The following LAMC1 variants were observed in gnomAD, a reference collection of about 807,000 sequenced individuals.
The protein encoded by LAMC1 is laminin subunit gamma-1.
In LAMC1, 38 loss-of-function variants were observed where a neutral mutation model predicts 173.6. The observed-to-expected ratio is 0.22, with a 90% CI of 0.17 to 0.29. LAMC1 has a LOEUF of 0.29. Among genes scored for constraint, LAMC1 ranks in the 10% least tolerant of loss-of-function variants. The pLI, the probability that LAMC1 is intolerant of heterozygous loss-of-function variation, is 1.00. For missense variants in LAMC1, 1,824 were observed against 2,051.8 expected, an observed-to-expected ratio of 0.89 and a Z score of 2.14; for synonymous variants, 746 against 749.1, an observed-to-expected ratio of 1.00 and a Z score of 0.07.
intron 1 of LAMC1, among the ~76,000 whole-genome samples, chr1:183,064,697 CA>C (rs1260526798): frequency 6.6e-6 from 1 of 152,002 alleles, no homozygotes; most frequent in Non-Finnish European, 1.5e-5. Context: ...ACCAAAAAAC[CA>C]AAACAAAATA....
chr1:183,065,338 G>A (rs1271556063), intron 1 of LAMC1, among the ~76,000 whole-genome samples: 1 of 152,154 alleles, frequency 6.6e-6, no homozygotes, highest in African/African-American at 2.4e-5. Context: ...GTGATTGTAG[G>A]GGCTGGCAAG....
chr1:183,059,963 G>A (rs1159666678), intron 1 of LAMC1, among the ~76,000 whole-genome samples: 3 of 152,172 alleles, frequency 2.0e-5, no homozygotes, highest in Non-Finnish European at 4.4e-5. Flanking sequence ...GACATCACAT[G>A]TTCCATGATG....
chr1:183,131,677 G>T (rs1372222773), intron 20 of LAMC1, among the ~76,000 whole-genome samples: 1 of 151,928 alleles, frequency 6.6e-6, no homozygotes, highest in Non-Finnish European at 1.5e-5. Context: ...ACTTATTTAA[G>T]ACTGTAGTAA....
chr1:183,059,161 A>G (rs1444850695), intron 1 of LAMC1, among the ~76,000 whole-genome samples: 1 of 152,234 alleles, frequency 6.6e-6, no homozygotes, highest in Non-Finnish European at 1.5e-5. Context: ...CAGAACATCC[A>G]TGCTTTGAGG....
rs755164391 is a variant in LAMC1, at chr1:183,142,649, T to C, written c.4689T>C (p.Asn1563=). The part of the protein sequence containing the change: ...DLDRKVSDLE[N]EAKKQEAAIM... ...ATAGGAAAGTGTCTGACCTGGAGAA[T>C]GAAGCCAAGAAGCAGGAGGCTGCCA... is the stretch of plus-strand genomic sequence containing the variant. Residue 1563 remains asparagine (N), a synonymous_variant, in exon 28 of 28, where the codon AAT becomes AAC. Coordinates refer to ENST00000258341, the MANE Select transcript of LAMC1 (RefSeq NM_002293.4). 3.2e-5 allele frequency: 51 copies of C among 1,613,970 alleles called. No homozygotes were observed. The South Asian group carries it at 4.0e-4, about 13-fold the overall frequency.
intron 1 of LAMC1, among the ~76,000 whole-genome samples, chr1:183,073,877 G>A (rs1247433069): frequency 2.0e-5 from 3 of 152,122 alleles, no homozygotes; most frequent in Non-Finnish European, 2.9e-5. Flanking sequence ...CAGAAAAAAG[G>A]ACAAGTTTGA....
At chr1:183,048,430 A>G (rs1654325817) in intron 1 of LAMC1, among the ~76,000 whole-genome samples, 1 of 152,220 alleles carries the variant, frequency 6.6e-6, no homozygotes, top group South Asian at 2.1e-4. Context: ...GTGTCCACCT[A>G]TAGCTCTATC....
At chr1:183,128,869 G>T (rs1571460346) in intron 18 of LAMC1, 119 bp downstream of exon 18, 1 of 674,654 alleles carries the variant, frequency 1.5e-6, no homozygotes, top group East Asian at 3.1e-5. Context: ...ACTACTCATA[G>T]ATTATAAATC....
chr1:183,103,129 G>A (rs771571909), intron 1 of LAMC1, among the ~76,000 whole-genome samples, 199 bp from the exon 2 acceptor site: 2 of 152,104 alleles, frequency 1.3e-5, no homozygotes, highest in African/African-American at 4.8e-5. Flanking sequence ...GCCTTTATGA[G>A]CCAACTTATG....
intron 24 of LAMC1, among the ~76,000 whole-genome samples, chr1:183,136,161 G>A (rs1656933013): frequency 6.6e-6 from 1 of 152,196 alleles, no homozygotes; most frequent in Non-Finnish European, 1.5e-5. Flanking sequence ...AAAGCACATT[G>A]TTGAAGTAAG....
intron 8 of LAMC1, 86 bp from the exon 9 acceptor site, chr1:183,117,234 T>C (rs1376508992): frequency 7.0e-7 from 1 of 1,420,044 alleles, no homozygotes; most frequent in East Asian, 2.3e-5. Context: ...CAAGGTGTGG[T>C]CTTACACATT....
intron 1 of LAMC1, among the ~76,000 whole-genome samples, chr1:183,053,002 AAAC>A (rs2102024787): frequency 1.3e-5 from 2 of 152,320 alleles, no homozygotes; most frequent in East Asian, 3.9e-4. Flanking sequence ...GAAGAGATGT[AAAC>A]AACGATTACT....
In LAMC1 at chr1:183,023,911, C is replaced by T; in HGVS notation, c.195C>T (p.Ala65=). ...VNAAFNVTVV[A]TNTCGTPPEE... ...CCGCCTTCAACGTGACTGTGGTGGC[C>T]ACCAACACGTGTGGGACTCCGCCCG... The change falls in exon 1 of 28, where the codon GCC becomes GCT. Residue 65 remains alanine, a synonymous_variant. Coordinates refer to ENST00000258341, the MANE Select transcript of LAMC1 (RefSeq NM_002293.4). 6.2e-7 allele frequency: 1 copy of T among 1,613,194 alleles called. No homozygotes were observed. The highest frequency in any genetic ancestry group is 1.3e-5 in the African/African-American group (1 of 75,056).
chr1:183,077,367 G>C (rs1241987145), intron 1 of LAMC1, among the ~76,000 whole-genome samples: 3 of 152,170 alleles, frequency 2.0e-5, no homozygotes, highest in Admixed American at 6.5e-5. Flanking sequence ...CTTCCCTGTT[G>C]CTTGTTCTCA....
At chr1:183,078,459 G>A (rs576022357) in intron 1 of LAMC1, among the ~76,000 whole-genome samples, 2 of 152,050 alleles carry the variant, frequency 1.3e-5, no homozygotes, top group South Asian at 4.2e-4. Flanking sequence ...GTGGGCGCCT[G>A]TAGTCCCAGC....
At chr1:183,085,071 G>A (rs1655390567) in intron 1 of LAMC1, among the ~76,000 whole-genome samples, 1 of 152,038 alleles carries the variant, frequency 6.6e-6, no homozygotes, top group African/African-American at 2.4e-5. Flanking sequence ...ACAAAAATTA[G>A]CCGGGTGTGG....
intron 3 of LAMC1, among the ~76,000 whole-genome samples, chr1:183,108,929 C>T (rs896877309): frequency 6.6e-6 from 1 of 152,162 alleles, no homozygotes; most frequent in African/African-American, 2.4e-5. Context: ...TAAGCTGGGT[C>T]TTGAAAGCTT....
At chr1:183,052,501 T>C (rs985621392) in intron 1 of LAMC1, among the ~76,000 whole-genome samples, 2 of 152,136 alleles carry the variant, frequency 1.3e-5, no homozygotes, top group African/African-American at 4.8e-5. Context: ...GCCCAGCTAA[T>C]TTTTATATTT....
chr1:183,036,637 C>T (rs925575170), intron 1 of LAMC1, among the ~76,000 whole-genome samples: 1 of 150,552 alleles, frequency 6.6e-6, no homozygotes, highest in Non-Finnish European at 1.5e-5. Flanking sequence ...GTGATCCGCC[C>T]GCCTCGGCTT....
Sources: gnomAD v4.1 joint callset for allele counts (sites outside exome capture counted in the v4.1 genomes callset) on GRCh38, gnomAD v4.1.1 for gene constraint, MANE v1.5 for transcripts, NCBI Gene and HGNC (gene_info 2026-07-23, HGNC 2026-07-21) for gene names.